Variants in PPP1R1C observed in about 807,000 individuals in gnomAD.
The protein encoded by PPP1R1C is protein phosphatase 1 regulatory inhibitor subunit 1C, also known as protein phosphatase 1 regulatory subunit 1C.
In PPP1R1C, 15 loss-of-function variants were observed where a neutral mutation model predicts 17.4. The observed-to-expected ratio is 0.86, with a 90% CI of 0.58 to 1.33. The LOEUF (loss-of-function observed/expected upper bound fraction) is 1.33, where lower values mean the gene tolerates loss of function less well. Among genes scored for constraint, PPP1R1C ranks in the 40% most tolerant of loss-of-function variants. The pLI is 0.00. For synonymous variants in PPP1R1C, 35 were observed against 43.1 expected, an observed-to-expected ratio of 0.81 and a Z score of 0.73; for missense variants, 143 against 130.0, an observed-to-expected ratio of 1.10 and a Z score of -0.48.
intron 4 of PPP1R1C, among the ~76,000 whole-genome samples, chr2:182,102,773 C>T (rs552559565): frequency 6.6e-6 from 1 of 152,118 alleles, no homozygotes; most frequent in South Asian, 2.1e-4. Flanking sequence ...GTTTTCCCTA[C>T]CTAGAGGAGC....
chr2:182,128,394 T>C (rs11686047), intron 5 of PPP1R1C, among the ~76,000 whole-genome samples: 42,107 of 151,900 alleles, frequency 0.28, 6,769 homozygotes, highest in African/African-American at 0.43. Flanking sequence ...GAGAATTATA[T>C]AATAGAAGAT....
chr2:182,103,594 G>T (rs1046835356), intron 4 of PPP1R1C: 1 of 152,194 alleles, frequency 6.6e-6, no homozygotes, highest in African/African-American at 2.4e-5. Flanking sequence ...TATTTAAAAG[G>T]ATGGTCAGAG....
Position 182,081,141 on chromosome 2 carries a change from T to C in PPP1R1C, c.241+17350T>C, listed in dbSNP as rs377423004. On this transcript the variant is annotated intron_variant, in intron 4 of 4. Coordinates refer to ENST00000682840, the MANE Select transcript of PPP1R1C (RefSeq NM_001080545.3). The stretch of plus-strand genomic sequence containing the variant: ...GAGAGTGAGGTTTGTGCTCAGTGTG[T>C]GCAGTTGTTGGGAAGAATTTGGTTT... 9.8e-5 allele frequency among the ~76,000 whole-genome samples: 15 copies of C among 152,316 alleles called. No individual in the cohort carries two copies. The East Asian group carries it at 2.5e-3, about 25-fold the overall frequency.
chr2:182,059,581 C>A (rs1253564121), intron 2 of PPP1R1C, among the ~76,000 whole-genome samples: 1 of 152,156 alleles, frequency 6.6e-6, no homozygotes, highest in South Asian at 2.1e-4. Context: ...TCCGTTGTAC[C>A]TTTGTCTGAG....
rs1687904906 is a variant in PPP1R1C at position 182,063,624 on chromosome 2, AG to A, written c.181-106del. 4.7e-6 allele frequency: 4 copies of A among 845,620 alleles called. No homozygotes were observed. The East Asian group carries it at 7.3e-5, about 15-fold the overall frequency. The allele number at this position is 845,620 out of a possible 1,614,324, so 52.4% of individuals were successfully genotyped here. On this transcript the variant is annotated intron_variant, in intron 3 of 4. Coordinates refer to ENST00000682840, the MANE Select transcript of PPP1R1C (RefSeq NM_001080545.3). ...TTCTATTTCATGACAGGGAGAAATC[AG>A]AAAGCTTTTCATAACATGGCACAGT...
Position 182,063,355 on chromosome 2 carries a change from C to T in PPP1R1C, c.181-376C>T, listed in dbSNP as rs982933078. 3.3e-5 allele frequency among the ~76,000 whole-genome samples: 5 copies of T among 151,954 alleles called. No individual in the cohort carries two copies. In the East Asian group the frequency reaches 9.6e-4, roughly 29 times the overall value. On this transcript the variant is annotated intron_variant, in intron 3 of 4. Transcript: ENST00000682840. The stretch of plus-strand genomic sequence containing the variant: ...ACCCCACGAACAGATACTATTATTC[C>T]CTGGACATAGCTTTTGGAATATACT...
At chr2:182,077,513 T>G (rs1221527052) in intron 4 of PPP1R1C, among the ~76,000 whole-genome samples, 1 of 152,220 alleles carries the variant, frequency 6.6e-6, no homozygotes, top group African/African-American at 2.4e-5. Context: ...ATCAGCATCC[T>G]TAGCTTTTCA....
chr2:182,006,580 A>G (rs552371270), intron 2 of PPP1R1C, among the ~76,000 whole-genome samples: 6 of 152,336 alleles, frequency 3.9e-5, no homozygotes, highest in African/African-American at 1.4e-4. Context: ...ACATGGATCA[A>G]TTGAAAATTC....
chr2:182,117,056 T>A, intron 4 of PPP1R1C, 151 bp from the exon 5 acceptor site: 2 of 631,560 alleles, frequency 3.2e-6, no homozygotes, highest in East Asian at 5.7e-5. Context: ...ATTAAAAGGT[T>A]TATATAGGAT....
At chr2:182,038,140 C>G (rs1199668014) in intron 2 of PPP1R1C, among the ~76,000 whole-genome samples, 1 of 152,094 alleles carries the variant, frequency 6.6e-6, no homozygotes, top group Non-Finnish European at 1.5e-5. Context: ...TGGGCTCATT[C>G]CATCCTTCCA....
intron 5 of PPP1R1C, among the ~76,000 whole-genome samples, chr2:182,125,886 A>C (rs1446335998): frequency 1.3e-5 from 2 of 152,014 alleles, no homozygotes; most frequent in Admixed American, 6.6e-5. Flanking sequence ...TGATTTTTTG[A>C]AGGGATTTTT....
At chr2:182,052,428 A>G (rs543981506) in intron 2 of PPP1R1C, among the ~76,000 whole-genome samples, 12 of 152,222 alleles carry the variant, frequency 7.9e-5, no homozygotes, top group Non-Finnish European at 1.6e-4. Flanking sequence ...TTATTTTTAG[A>G]CAATGCCAAA....
chr2:182,062,105 A>G (rs1022030925), intron 3 of PPP1R1C, among the ~76,000 whole-genome samples: 11 of 152,106 alleles, frequency 7.2e-5, no homozygotes, highest in African/African-American at 2.7e-4. Flanking sequence ...AGTTCCCAGA[A>G]ATGAAATAAA....
At chr2:182,082,079 T>A (rs1165557641) in intron 4 of PPP1R1C, among the ~76,000 whole-genome samples, 1 of 152,156 alleles carries the variant, frequency 6.6e-6, no homozygotes, top group Non-Finnish European at 1.5e-5. Flanking sequence ...ATAATGAGAT[T>A]TGAGCAGGAT....
chr2:181,964,697 T>TTTTATTTA (rs147683694), intron 1 of PPP1R1C, among the ~76,000 whole-genome samples: 4,049 of 151,392 alleles, frequency 0.027, 47 homozygotes, highest in Middle Eastern at 0.044. Context: ...CTGTAGTTTA[T>TTTTATTTA]TTTATTTATT....
intron 2 of PPP1R1C, among the ~76,000 whole-genome samples, chr2:182,018,738 A>C (rs1256030283): frequency 6.6e-6 from 1 of 152,164 alleles, no homozygotes; most frequent in Non-Finnish European, 1.5e-5. Context: ...CAGTTAGGAG[A>C]CCAGTGGAAT....
At chr2:182,099,904 G>A (rs1689047759) in intron 4 of PPP1R1C, among the ~76,000 whole-genome samples, 1 of 152,110 alleles carries the variant, frequency 6.6e-6, no homozygotes, top group South Asian at 2.1e-4. Flanking sequence ...CAGCTGTGAA[G>A]ATTTTGACCT....
intron 2 of PPP1R1C, among the ~76,000 whole-genome samples, chr2:182,013,923 A>G (rs1686166232): frequency 6.6e-6 from 1 of 152,176 alleles, no homozygotes; most frequent in Non-Finnish European, 1.5e-5. Flanking sequence ...ATCTGATAGG[A>G]TTCTGAATTC....
At chr2:181,996,783 C>A (rs924395187) in intron 2 of PPP1R1C, among the ~76,000 whole-genome samples, 1 of 152,064 alleles carries the variant, frequency 6.6e-6, no homozygotes, top group Non-Finnish European at 1.5e-5. Flanking sequence ...CATATAAATA[C>A]ATATTGACTT....
Sources: gnomAD v4.1 joint callset for allele counts (sites outside exome capture counted in the v4.1 genomes callset) on GRCh38, gnomAD v4.1.1 for gene constraint, MANE v1.5 for transcripts, NCBI Gene and HGNC (gene_info 2026-07-23, HGNC 2026-07-21) for gene names.